The following ALK variants were observed in gnomAD, a reference collection of about 807,000 sequenced individuals.
ALK encodes the protein ALK receptor tyrosine kinase.
A neutral mutation model predicts 163.1 loss-of-function variants in ALK; 74 were observed. The ratio of observed to expected loss-of-function variants is 0.45; its 90% CI spans 0.38 to 0.55. The LOEUF (loss-of-function observed/expected upper bound fraction) is 0.55. Among genes scored for constraint, ALK ranks in the 20% least tolerant of loss-of-function variants. The pLI is 0.00. For synonymous variants in ALK, 960 were observed against 843.2 expected (o/e 1.14, Z -2.40); for missense variants, 2,063 against 2,105.3 (o/e 0.98, Z 0.39).
At chr2:29,855,025 T>C (rs1666102566) in intron 1 of ALK, among the ~76,000 whole-genome samples, 1 of 152,214 alleles carries the variant, frequency 6.6e-6, no homozygotes. Context: ...GTGACTTTTT[T>C]CTGGTCTGCC....
At chr2:29,503,745 G>A (rs66788285) in intron 4 of ALK, among the ~76,000 whole-genome samples, 23,356 of 151,972 alleles carry the variant, frequency 0.15, 2,541 homozygotes, top group African/African-American at 0.31. Flanking sequence ...GGGGTGAGGC[G>A]TGGCAGAAGG....
chr2:29,806,765 G>A (rs549451227), intron 1 of ALK, among the ~76,000 whole-genome samples: 11 of 152,292 alleles, frequency 7.2e-5, no homozygotes, highest in South Asian at 4.1e-4. Context: ...TCTCCCCACT[G>A]CATAGGGTAT....
chr2:29,692,285 G>A (rs1678421891), intron 3 of ALK, among the ~76,000 whole-genome samples: 1 of 152,158 alleles, frequency 6.6e-6, no homozygotes. Flanking sequence ...GTACAAATTG[G>A]TGTAACCACT....
At chr2:29,759,737 T>C (rs1157805864) in intron 1 of ALK, among the ~76,000 whole-genome samples, 2 of 152,224 alleles carry the variant, frequency 1.3e-5, no homozygotes, top group African/African-American at 4.8e-5. Flanking sequence ...AACCCAGTAG[T>C]GATAGGCACC....
At chr2:29,919,836 C>T (rs1205935419) in intron 1 of ALK, among the ~76,000 whole-genome samples, 157 bp downstream of exon 1, 1 of 152,156 alleles carries the variant, frequency 6.6e-6, no homozygotes, top group Non-Finnish European at 1.5e-5. Flanking sequence ...CAAGAAACTA[C>T]GGTCTGATTC....
intron 1 of ALK, among the ~76,000 whole-genome samples, chr2:29,888,261 TAAA>T (rs70962244): frequency 0.48 from 70,041 of 144,544 alleles, 17,626 homozygotes; most frequent in Non-Finnish European, 0.54. Flanking sequence ...TTTTTTTTTT[TAAA>T]AAAAGGGAAA....
chr2:29,510,381 G>A (rs1672477548), intron 4 of ALK, among the ~76,000 whole-genome samples: 1 of 152,162 alleles, frequency 6.6e-6, no homozygotes, highest in African/African-American at 2.4e-5. Context: ...TTAGCATCTT[G>A]CAATGGTGGG....
intron 3 of ALK, among the ~76,000 whole-genome samples, chr2:29,535,217 G>A (rs1170616243): frequency 6.6e-6 from 1 of 152,222 alleles, no homozygotes; most frequent in Admixed American, 6.5e-5. Flanking sequence ...GTGGCCATGG[G>A]GGTGTGGAGA....
intron 3 of ALK, among the ~76,000 whole-genome samples, chr2:29,619,881 G>C (rs1037126119): frequency 6.6e-6 from 1 of 152,184 alleles, no homozygotes; most frequent in African/African-American, 2.4e-5. Context: ...TGGGGCACTG[G>C]GATGTCATTA....
At chr2:29,424,741 T>A (rs1340399520) in intron 4 of ALK, among the ~76,000 whole-genome samples, 1 of 152,160 alleles carries the variant, frequency 6.6e-6, no homozygotes, top group East Asian at 1.9e-4. Flanking sequence ...CCTGATGGAG[T>A]GGGAAGACCA....
In ALK at chr2:29,920,123, G is replaced by A. The variant is rs1455057851; in HGVS notation, c.537C>T (p.Arg179=). The A allele has an allele frequency of 1.2e-6, 2 of 1,614,044 alleles. No homozygotes were observed. The highest frequency in any genetic ancestry group is 2.2e-5 in the South Asian group (2 of 91,086). Reference sequence around the variant, plus strand: ...GGATCCTCAGTCGCCCTTCGCCTTGGCGAATCCACCAACTGAACAGCTCGC... The same window carrying A: ...GGATCCTCAGTCGCCCTTCGCCTTGACGAATCCACCAACTGAACAGCTCGC... ...NLSELFSWWI[R]QGEGRLRIRL... Residue 179 remains arginine (R), a synonymous_variant, in exon 1 of 29, where the codon CGC becomes CGT. Transcript: ENST00000389048.
Position 29,843,398 on chromosome 2 carries a change from C to T in ALK, c.667+76595G>A, listed in dbSNP as rs138690580. 5.9e-4 allele frequency among the ~76,000 whole-genome samples: 89 copies of T among 151,510 alleles called. No individual in the cohort carries two copies. The East Asian group carries it at 9.0e-3, about 15-fold the overall frequency. On this transcript the variant is annotated intron_variant, in intron 1 of 28. Transcript: ENST00000389048. ...TGTGTCACATTCTCTACTTAGGTTG[C>T]GAGGGTACCTGTGCAACTGCTGGAA...
At chr2:29,531,467 T>C (rs1301596355) in intron 4 of ALK, among the ~76,000 whole-genome samples, 1 of 152,170 alleles carries the variant, frequency 6.6e-6, no homozygotes, top group Non-Finnish European at 1.5e-5. Context: ...CTAATCCTGC[T>C]CTGGGGTACC....
intron 1 of ALK, among the ~76,000 whole-genome samples, chr2:29,753,334 A>T (rs1408539574): frequency 6.6e-6 from 1 of 152,206 alleles, no homozygotes; most frequent in African/African-American, 2.4e-5. Context: ...GAGGCTCCGC[A>T]CTTTCATGAG....
chr2:29,797,725 T>A (rs180914840), intron 1 of ALK, among the ~76,000 whole-genome samples: 1 of 152,244 alleles, frequency 6.6e-6, no homozygotes, highest in Non-Finnish European at 1.5e-5. Flanking sequence ...AATCAGGGAC[T>A]CTTTCCTACT....
intron 9 of ALK, among the ~76,000 whole-genome samples, chr2:29,296,668 G>T (rs1251371876): frequency 6.6e-6 from 1 of 152,214 alleles, no homozygotes; most frequent in East Asian, 1.9e-4. Flanking sequence ...GTGTTCAGTA[G>T]CCTCTTCATC....
intron 4 of ALK, among the ~76,000 whole-genome samples, chr2:29,386,172 GTCT>G (rs1406019075): frequency 6.6e-6 from 1 of 152,196 alleles, no homozygotes; most frequent in Non-Finnish European, 1.5e-5. Context: ...GAAGGAGGTA[GTCT>G]TCTTCCCTAT....
chr2:29,317,206 A>G (rs1228066502), intron 8 of ALK, among the ~76,000 whole-genome samples: 2 of 152,208 alleles, frequency 1.3e-5, no homozygotes, highest in Admixed American at 6.5e-5. Flanking sequence ...TCAGTTTCAC[A>G]ATGTCTACAA....
At chr2:29,562,263 A>G (rs1369884679) in intron 3 of ALK, among the ~76,000 whole-genome samples, 2 of 152,186 alleles carry the variant, frequency 1.3e-5, no homozygotes, top group Non-Finnish European at 2.9e-5. Context: ...ATGTCCATTT[A>G]TGGGTCCTAG....
Sources: gnomAD v4.1 joint callset for allele counts (sites outside exome capture counted in the v4.1 genomes callset) on GRCh38, gnomAD v4.1.1 for gene constraint, MANE v1.5 for transcripts, NCBI Gene and HGNC (gene_info 2026-07-23, HGNC 2026-07-21) for gene names.